Variants in SPAG16 observed in about 807,000 individuals in gnomAD.
SPAG16 encodes the protein sperm-associated antigen 16 protein.
Under a neutral mutation model 80.4 loss-of-function variants are expected in SPAG16, and 86 were observed. The observed-to-expected ratio is 1.07, with a 90% CI of 0.90 to 1.28. The LOEUF (loss-of-function observed/expected upper bound fraction) is 1.28, where lower values mean the gene tolerates loss of function less well. SPAG16 is among the 50% of genes most tolerant of loss of function. The pLI is 0.00. For missense variants in SPAG16, 870 were observed against 765.3 expected, an observed-to-expected ratio of 1.14 and a Z score of -1.61; for synonymous variants, 294 against 265.9, an observed-to-expected ratio of 1.11 and a Z score of -1.03.
At chr2:213,807,239 G>C (rs960533925) in intron 10 of SPAG16, among the ~76,000 whole-genome samples, 3 of 151,862 alleles carry the variant, frequency 2.0e-5, no homozygotes, top group Non-Finnish European at 1.5e-5. Context: ...ACTCCTTCAT[G>C]TTTTTCTTTG....
At chr2:213,689,244 C>G (rs1214894954) in intron 10 of SPAG16, among the ~76,000 whole-genome samples, 3 of 152,212 alleles carry the variant, frequency 2.0e-5, no homozygotes, top group African/African-American at 7.2e-5. Context: ...AGGCATGAGC[C>G]ACTGCTCCTG....
intron 15 of SPAG16, among the ~76,000 whole-genome samples, chr2:214,173,276 A>G: frequency 6.6e-6 from 1 of 152,072 alleles, no homozygotes; most frequent in Non-Finnish European, 1.5e-5. Context: ...ATTTTTGTAT[A>G]AGGTGTGAGG....
intron 13 of SPAG16, among the ~76,000 whole-genome samples, chr2:214,060,193 G>A (rs910307360): frequency 6.6e-6 from 1 of 152,108 alleles, no homozygotes; most frequent in Non-Finnish European, 1.5e-5. Context: ...ACCATCTGCA[G>A]AATATTAGAT....
At chr2:213,950,772 G>A (rs1304386152) in intron 12 of SPAG16, among the ~76,000 whole-genome samples, 2 of 134,620 alleles carry the variant, frequency 1.5e-5, no homozygotes, top group Non-Finnish European at 3.1e-5. Flanking sequence ...GCAGTGGCAT[G>A]ATCACGGCTC....
chr2:213,601,702 T>C (rs1483416196), intron 10 of SPAG16, among the ~76,000 whole-genome samples: 1 of 152,260 alleles, frequency 6.6e-6, no homozygotes, highest in East Asian at 1.9e-4. Flanking sequence ...CATCATATTT[T>C]ACTGTACCTT....
rs186195554 is a variant in SPAG16 at position 213,352,763 on chromosome 2, G to A, written c.762+2118G>A. Among the ~76,000 whole-genome samples the A allele has an allele frequency of 2.0e-5, 3 of 152,258 alleles. No individual in the cohort carries two copies. In the East Asian group the frequency reaches 5.8e-4, roughly 29 times the overall value. Reference sequence around the variant, plus strand: ...GATCTATGAGTTAGAGTTGAATTTTGCACACTACTGTTCAGATGTGCAAAG... The same window carrying A: ...GATCTATGAGTTAGAGTTGAATTTTACACACTACTGTTCAGATGTGCAAAG... On this transcript the variant is annotated intron_variant, in intron 7 of 15. Coordinates refer to ENST00000331683, the MANE Select transcript of SPAG16 (RefSeq NM_024532.5).
In SPAG16 at chr2:214,291,261, G is replaced by A. The variant is rs538950373; in HGVS notation, c.1721-118879G>A. Reference sequence around the variant, plus strand: ...GTCTATATATGTCTTTGTAGGTAAAGGGTGTTTCTTGTTAGCAGTATATAT... The same window carrying A: ...GTCTATATATGTCTTTGTAGGTAAAAGGTGTTTCTTGTTAGCAGTATATAT... On this transcript the variant is annotated intron_variant, in intron 15 of 15. Coordinates refer to ENST00000331683, the MANE Select transcript of SPAG16 (RefSeq NM_024532.5). 8.3e-4 allele frequency among the ~76,000 whole-genome samples: 124 copies of A among 150,296 alleles called. 2 individuals carry two copies. Among genetic ancestry groups the A allele is most frequent in the South Asian group, 5.0e-3 (24 of 4,770 alleles).
intron 14 of SPAG16, among the ~76,000 whole-genome samples, chr2:214,140,800 A>G (rs193116749): frequency 9.2e-5 from 14 of 151,734 alleles, no homozygotes; most frequent in African/African-American, 1.4e-4. Context: ...TCACTCTTGA[A>G]TATTTTGGGA....
intron 12 of SPAG16, among the ~76,000 whole-genome samples, chr2:213,986,677 C>T (rs2046020432): frequency 6.6e-6 from 1 of 151,770 alleles, no homozygotes; most frequent in African/African-American, 2.4e-5. Context: ...TACCTCCAAA[C>T]AGCTATTTTC....
intron 14 of SPAG16, among the ~76,000 whole-genome samples, chr2:214,112,446 A>T (rs996532474): frequency 1.3e-5 from 2 of 152,098 alleles, no homozygotes; most frequent in African/African-American, 4.8e-5. Context: ...GTGGGAGTCT[A>T]AGTCTTTTTG....
At chr2:214,168,624 A>T (rs978612783) in intron 15 of SPAG16, among the ~76,000 whole-genome samples, 2 of 152,078 alleles carry the variant, frequency 1.3e-5, no homozygotes, top group African/African-American at 4.8e-5. Context: ...CTCTGAGAAA[A>T]AGCAACTTTC....
intron 10 of SPAG16, among the ~76,000 whole-genome samples, chr2:213,658,623 G>A (rs2063307561): frequency 6.6e-6 from 1 of 152,162 alleles, no homozygotes; most frequent in Non-Finnish European, 1.5e-5. Flanking sequence ...AGTCGTGCAT[G>A]GGTAGCAGAG....
chr2:214,222,751 CT>C (rs1199500010), intron 15 of SPAG16, among the ~76,000 whole-genome samples: 1 of 152,170 alleles, frequency 6.6e-6, no homozygotes, highest in Non-Finnish European at 1.5e-5. Flanking sequence ...CACCTGAGGA[CT>C]GTCTATCCAT....
intron 12 of SPAG16, among the ~76,000 whole-genome samples, chr2:213,993,649 G>A (rs187919305): frequency 6.6e-6 from 1 of 152,266 alleles, no homozygotes; most frequent in Admixed American, 6.5e-5. Flanking sequence ...TAGGAAAACG[G>A]TGTTTTCTCA....
intron 9 of SPAG16, among the ~76,000 whole-genome samples, chr2:213,450,177 G>A (rs541606601): frequency 6.6e-6 from 1 of 152,264 alleles, no homozygotes; most frequent in South Asian, 2.1e-4. Flanking sequence ...GGTGGTGCAT[G>A]CCTGTAATCC....
intron 13 of SPAG16, among the ~76,000 whole-genome samples, 161 bp downstream of exon 13, chr2:214,014,238 G>A (rs1470807655): frequency 6.6e-6 from 1 of 152,150 alleles, no homozygotes; most frequent in African/African-American, 2.4e-5. Context: ...CTATGCACTT[G>A]TATCCATTCT....
intron 6 of SPAG16, among the ~76,000 whole-genome samples, chr2:213,341,291 G>C (rs1356836316): frequency 6.6e-6 from 1 of 152,100 alleles, no homozygotes; most frequent in African/African-American, 2.4e-5. Context: ...AAGTTAATCA[G>C]TCAAACACAG....
chr2:213,997,188 T>A (rs2046563458), intron 12 of SPAG16, among the ~76,000 whole-genome samples: 1 of 152,162 alleles, frequency 6.6e-6, no homozygotes, highest in Non-Finnish European at 1.5e-5. Context: ...CAAATATTCC[T>A]CATCTTTCAC....
At chr2:213,479,683 A>C (rs1307202645) in intron 9 of SPAG16, among the ~76,000 whole-genome samples, 1 of 152,202 alleles carries the variant, frequency 6.6e-6, no homozygotes, top group African/African-American at 2.4e-5. Context: ...CAAGACATGC[A>C]TGCATTCCTC....
Sources: gnomAD v4.1 joint callset for allele counts (sites outside exome capture counted in the v4.1 genomes callset) on GRCh38, gnomAD v4.1.1 for gene constraint, MANE v1.5 for transcripts, NCBI Gene and HGNC (gene_info 2026-07-23, HGNC 2026-07-21) for gene names.